Variants in SMAP1 observed in about 807,000 individuals in gnomAD.
SMAP1 encodes the protein small ArfGAP 1.
A neutral mutation model predicts 58.5 loss-of-function variants in SMAP1; 24 were observed. The ratio of observed to expected loss-of-function variants is 0.41; its 90% CI spans 0.30 to 0.58. The LOEUF is 0.58. Among genes scored for constraint, SMAP1 ranks in the 20% least tolerant of loss-of-function variants. SMAP1 has a pLI of 0.29. For synonymous variants in SMAP1, 216 were observed against 196.6 expected, an observed-to-expected ratio of 1.10 and a Z score of -0.82; for missense variants, 563 against 566.3, an observed-to-expected ratio of 0.99 and a Z score of 0.06.
intron 1 of SMAP1, among the ~76,000 whole-genome samples, chr6:70,676,590 G>T (rs1766491842): frequency 6.6e-6 from 1 of 152,152 alleles, no homozygotes; most frequent in African/African-American, 2.4e-5. Context: ...GTAAGAGATT[G>T]TTGTTGGGAA....
rs539021694 is a variant in SMAP1 at position 70,795,883 on chromosome 6, G to A, written c.496-2774G>A. Among the ~76,000 whole-genome samples the A allele has an allele frequency of 2.0e-3, 297 of 151,728 alleles. 1 individual carries two copies. The highest frequency in any genetic ancestry group is 6.8e-3 in the African/African-American group (283 of 41,362). On this transcript the variant is annotated intron_variant, in intron 5 of 10. Transcript: ENST00000370455. Reference sequence around the variant, plus strand: ...CTCCCAAGTAGCTGGGATTACAGGCGCCCGCCACCACGCCCGGCTAATTTT... The same window carrying A: ...CTCCCAAGTAGCTGGGATTACAGGCACCCGCCACCACGCCCGGCTAATTTT...
chr6:70,730,362 A>G (rs1043956022), intron 1 of SMAP1, among the ~76,000 whole-genome samples: 10 of 152,230 alleles, frequency 6.6e-5, no homozygotes, highest in African/African-American at 2.4e-4. Context: ...GGCCCACTGC[A>G]TATCTGTTTA....
chr6:70,720,055 C>G (rs1456031459), intron 1 of SMAP1, among the ~76,000 whole-genome samples: 1 of 152,196 alleles, frequency 6.6e-6, no homozygotes, highest in Non-Finnish European at 1.5e-5. Context: ...AGTCCAAATT[C>G]TCATCTGAGA....
chr6:70,725,883 A>C (rs1768760916), intron 1 of SMAP1, among the ~76,000 whole-genome samples: 1 of 152,240 alleles, frequency 6.6e-6, no homozygotes, highest in Non-Finnish European at 1.5e-5. Flanking sequence ...TGAATAGATA[A>C]TTTGCATCTC....
chr6:70,668,769 G>T, intron 1 of SMAP1: 1 of 1,524,230 alleles, frequency 6.6e-7, no homozygotes, highest in Non-Finnish European at 8.8e-7. Context: ...TTTATTAGTA[G>T]TAGTATTGTT....
At chr6:70,825,081 A>C (rs900975998) in intron 6 of SMAP1, among the ~76,000 whole-genome samples, 4 of 152,218 alleles carry the variant, frequency 2.6e-5, no homozygotes, top group African/African-American at 9.6e-5. Context: ...ATGGAGCATC[A>C]TGAGCCCTGT....
intron 4 of SMAP1, among the ~76,000 whole-genome samples, chr6:70,789,351 C>T (rs937902823): frequency 6.6e-6 from 1 of 152,044 alleles, no homozygotes; most frequent in Non-Finnish European, 1.5e-5. Context: ...AGCCCCCAAC[C>T]ATGGCCTTGG....
At chr6:70,724,976 A>C (rs990945556) in intron 1 of SMAP1, among the ~76,000 whole-genome samples, 1 of 150,736 alleles carries the variant, frequency 6.6e-6, no homozygotes, top group Non-Finnish European at 1.5e-5. Context: ...TGAAACTTCT[A>C]TTTAAACTTT....
chr6:70,735,274 C>T (rs988137127), intron 2 of SMAP1, among the ~76,000 whole-genome samples: 2 of 152,154 alleles, frequency 1.3e-5, no homozygotes, highest in Non-Finnish European at 2.9e-5. Context: ...AAAGTTCCTT[C>T]ATGCCAATTT....
intron 6 of SMAP1, among the ~76,000 whole-genome samples, chr6:70,828,849 G>A (rs941318377): frequency 1.3e-5 from 2 of 152,244 alleles, no homozygotes; most frequent in South Asian, 2.1e-4. Context: ...ACTCCAGCCT[G>A]GGCAAGAGTG....
At chr6:70,718,819 C>CAAAAAAAAA (rs5877259) in intron 1 of SMAP1, among the ~76,000 whole-genome samples, 1 of 57,544 alleles carries the variant, frequency 1.7e-5, no homozygotes, top group Non-Finnish European at 3.1e-5. Flanking sequence ...GACTCCATCT[C>CAAAAAAAAA]AAAAAAAAAA....
At chr6:70,696,083 CTAA>C (rs762591758) in intron 1 of SMAP1, among the ~76,000 whole-genome samples, 2 of 152,096 alleles carry the variant, frequency 1.3e-5, no homozygotes, top group Non-Finnish European at 2.9e-5. Flanking sequence ...ATAGTAGCCT[CTAA>C]TGATGGTTTG....
intron 1 of SMAP1, among the ~76,000 whole-genome samples, chr6:70,709,255 A>G (rs916674928): frequency 2.6e-5 from 4 of 152,080 alleles, no homozygotes; most frequent in Admixed American, 6.5e-5. Context: ...CTGGCTTTCT[A>G]TGCTGTTTCA....
At chr6:70,736,021 G>A (rs1053032262) in intron 2 of SMAP1, among the ~76,000 whole-genome samples, 1 of 151,970 alleles carries the variant, frequency 6.6e-6, no homozygotes, top group African/African-American at 2.4e-5. Flanking sequence ...GTGTGTGTGT[G>A]TATAATTCTG....
intron 1 of SMAP1, among the ~76,000 whole-genome samples, chr6:70,671,389 G>GT (rs1281758321): frequency 6.6e-6 from 1 of 152,080 alleles, no homozygotes. Context: ...GGCCAACATA[G>GT]TGAAACCCCG....
intron 3 of SMAP1, 54 bp downstream of exon 3, chr6:70,755,119 C>A: frequency 7.4e-7 from 1 of 1,351,674 alleles, no homozygotes; most frequent in Non-Finnish European, 1.0e-6. Context: ...CTCATTTTTA[C>A]AGTTCATATT....
intron 4 of SMAP1, among the ~76,000 whole-genome samples, chr6:70,789,060 T>C (rs1237475060): frequency 6.6e-6 from 1 of 152,190 alleles, no homozygotes; most frequent in Non-Finnish European, 1.5e-5. Flanking sequence ...TTTTCTTCCC[T>C]CATTTACCCC....
chr6:70,853,413 ACAAG>A (rs2150010329), intron 8 of SMAP1, among the ~76,000 whole-genome samples: 1 of 152,278 alleles, frequency 6.6e-6, no homozygotes, highest in South Asian at 2.1e-4. Context: ...TTACAAATAA[ACAAG>A]CAGTTTGTGC....
At chr6:70,831,741 T>C (rs1414317524) in intron 6 of SMAP1, among the ~76,000 whole-genome samples, 1 of 152,200 alleles carries the variant, frequency 6.6e-6, no homozygotes, top group Non-Finnish European at 1.5e-5. Flanking sequence ...TGTGGATATG[T>C]ATTTATGGTA....
Sources: gnomAD v4.1 joint callset for allele counts (sites outside exome capture counted in the v4.1 genomes callset) on GRCh38, gnomAD v4.1.1 for gene constraint, MANE v1.5 for transcripts, NCBI Gene and HGNC (gene_info 2026-07-23, HGNC 2026-07-21) for gene names.